Variants in KCNMA1 observed in about 807,000 individuals in gnomAD.
KCNMA1 encodes Calcium-activated potassium channel subunit alpha-1.
A neutral mutation model predicts 140.0 loss-of-function variants in KCNMA1; 29 were observed. The observed-to-expected ratio is 0.21, with a 90% CI of 0.15 to 0.28. The LOEUF is 0.28. Among genes scored for constraint, KCNMA1 ranks in the 10% least tolerant of loss-of-function variants. The pLI, the probability that KCNMA1 is intolerant of heterozygous loss-of-function variation, is 1.00. For synonymous variants in KCNMA1, 612 were observed against 611.9 expected, an observed-to-expected ratio of 1.00 and a Z score of 0.00; for missense variants, 880 against 1,602.2, an observed-to-expected ratio of 0.55 and a Z score of 7.70.
At chr10:77,156,297 T>C (rs763387218) in intron 5 of KCNMA1, among the ~76,000 whole-genome samples, 1 of 151,968 alleles carries the variant, frequency 6.6e-6, no homozygotes, top group Non-Finnish European at 1.5e-5. Flanking sequence ...TTTCTCCTAA[T>C]TGCTTTCTCA....
At chr10:77,104,325 A>G (rs189886632) in intron 9 of KCNMA1, among the ~76,000 whole-genome samples, 1 of 152,330 alleles carries the variant, frequency 6.6e-6, no homozygotes, top group East Asian at 1.9e-4. Flanking sequence ...TAAGTTTCAC[A>G]GGCAGCTTTC....
chr10:77,570,056 C>A (rs375915026), intron 1 of KCNMA1, among the ~76,000 whole-genome samples: 13,274 of 147,986 alleles, frequency 0.09, 806 homozygotes, highest in Middle Eastern at 0.13. Context: ...CACACCAGTT[C>A]GAATGGCAAT....
chr10:77,589,647 G>A (rs1051143007), intron 1 of KCNMA1, among the ~76,000 whole-genome samples: 3 of 152,108 alleles, frequency 2.0e-5, no homozygotes, highest in African/African-American at 7.2e-5. Context: ...AGCTCTTAAG[G>A]TGGCGCGTCT....
At chr10:77,454,961 G>A (rs918666406) in intron 1 of KCNMA1, among the ~76,000 whole-genome samples, 1 of 152,126 alleles carries the variant, frequency 6.6e-6, no homozygotes, top group Non-Finnish European at 1.5e-5. Context: ...CTGAAAGAGT[G>A]GGCCAAGCCA....
chr10:77,306,386 G>A (rs970675233), intron 2 of KCNMA1, among the ~76,000 whole-genome samples: 44 of 152,210 alleles, frequency 2.9e-4, no homozygotes, highest in African/African-American at 1.1e-3. Flanking sequence ...CAAGAAGGAT[G>A]AGTAAGTGGA....
At chr10:77,561,171 T>A (rs745490037) in intron 1 of KCNMA1, among the ~76,000 whole-genome samples, 3 of 151,966 alleles carry the variant, frequency 2.0e-5, no homozygotes, top group Admixed American at 1.3e-4. Context: ...GAAGCTAACA[T>A]TCCCTGAAAA....
chr10:76,916,940 C>T (rs1564890114), intron 23 of KCNMA1, among the ~76,000 whole-genome samples: 1 of 152,138 alleles, frequency 6.6e-6, no homozygotes, highest in Non-Finnish European at 1.5e-5. Flanking sequence ...ATATCCATTC[C>T]CTGACTGCAC....
intron 3 of KCNMA1, among the ~76,000 whole-genome samples, chr10:77,233,173 T>C (rs2054193817): frequency 6.6e-6 from 1 of 152,230 alleles, no homozygotes; most frequent in East Asian, 1.9e-4. Flanking sequence ...TCTCAAAAAT[T>C]AGTTGACTAT....
intron 1 of KCNMA1, among the ~76,000 whole-genome samples, chr10:77,562,919 T>C (rs2066865523): frequency 6.6e-6 from 1 of 152,238 alleles, no homozygotes; most frequent in Non-Finnish European, 1.5e-5. Context: ...TCATGGTTGA[T>C]GCTTACACAC....
chr10:77,199,428 T>A (rs2041763638), intron 3 of KCNMA1, among the ~76,000 whole-genome samples: 1 of 152,194 alleles, frequency 6.6e-6, no homozygotes, highest in African/African-American at 2.4e-5. Context: ...GATTACCTTG[T>A]ATGACCTTGG....
intron 5 of KCNMA1, among the ~76,000 whole-genome samples, chr10:77,151,076 A>C (rs1226119946): frequency 6.6e-6 from 1 of 151,672 alleles, no homozygotes; most frequent in Non-Finnish European, 1.5e-5. Context: ...ATAAATCTGC[A>C]GTTTCTTTCT....
At chr10:76,985,189 T>C (rs2080903580) in intron 19 of KCNMA1, among the ~76,000 whole-genome samples, 2 of 152,218 alleles carry the variant, frequency 1.3e-5, no homozygotes, top group African/African-American at 4.8e-5. Flanking sequence ...ATGGGTTATA[T>C]AAAAACCTAG....
chr10:77,208,308 GGGTT>G (rs1285956565), intron 3 of KCNMA1, among the ~76,000 whole-genome samples: 1 of 152,118 alleles, frequency 6.6e-6, no homozygotes, highest in Admixed American at 6.6e-5. Flanking sequence ...CCACTGCTGT[GGGTT>G]GACCTCAACA....
At chr10:77,617,580 G>C (rs1046722598) in intron 1 of KCNMA1, among the ~76,000 whole-genome samples, 10 of 152,322 alleles carry the variant, frequency 6.6e-5, no homozygotes, top group African/African-American at 2.2e-4. Flanking sequence ...AAGAGGGTAA[G>C]AGTTAACAAT....
intron 10 of KCNMA1, among the ~76,000 whole-genome samples, chr10:77,087,795 A>G (rs1038200649): frequency 6.6e-6 from 1 of 152,190 alleles, no homozygotes. Flanking sequence ...GTTAGAACCT[A>G]CTATACGCCA....
At chr10:77,068,110 G>A (rs374532793) in intron 14 of KCNMA1, among the ~76,000 whole-genome samples, 43 of 152,244 alleles carry the variant, frequency 2.8e-4, no homozygotes, top group East Asian at 2.5e-3. Flanking sequence ...TCACACATCC[G>A]CATGCAGGTT....
exon 28 of KCNMA1, chr10:76,870,736 G>C (rs1313945328): frequency 6.6e-6 from 1 of 152,478 alleles, no homozygotes; most frequent in Non-Finnish European, 1.5e-5. Context: ...GATCACCACA[G>C]GTTCTGTCCA....
At chr10:77,113,742 G>C (rs2097381242) in intron 6 of KCNMA1, among the ~76,000 whole-genome samples, 1 of 152,144 alleles carries the variant, frequency 6.6e-6, no homozygotes, top group Admixed American at 6.5e-5. Flanking sequence ...AGGATTACAG[G>C]TGTGATCCAC....
At position 77,573,469 on chromosome 10, in the gene KCNMA1, C is replaced by T. The variant is rs577528439; in HGVS notation, c.378+63796G>A. Among the ~76,000 whole-genome samples, 3 of 152,202 alleles carry T rather than the reference C, an allele frequency of 2.0e-5. No individual in the cohort carries two copies. The East Asian group carries it at 5.8e-4, about 29-fold the overall frequency. ...GCCTCAGATTTGTGACTAAGAGAAGCATAATATGAGGCAAAACCTCAGCAT... is the reference window on the plus strand; with the variant it reads ...GCCTCAGATTTGTGACTAAGAGAAGTATAATATGAGGCAAAACCTCAGCAT... On this transcript the variant is annotated intron_variant, in intron 1 of 27. Transcript: ENST00000286628.
Sources: allele counts gnomAD v4.1 joint callset (sites outside exome capture counted in the v4.1 genomes callset), GRCh38; gene constraint gnomAD v4.1.1; transcripts MANE v1.5; gene names NCBI Gene and HGNC (gene_info 2026-07-23, HGNC 2026-07-21).